The following GMDS variants were observed in gnomAD, a reference collection of about 807,000 sequenced individuals.
GMDS encodes GDP-mannose 4,6-dehydratase.
GMDS carries 20 observed loss-of-function variants against 49.9 expected under a neutral mutation model. The ratio of observed to expected loss-of-function variants is 0.40; its 90% confidence interval spans 0.28 to 0.58. The LOEUF is 0.58. Ranked by LOEUF, GMDS falls within the 20% of genes least tolerant of loss-of-function variation. GMDS has a pLI of 0.42. For missense variants in GMDS, 362 were observed against 481.4 expected (o/e 0.75, Z 2.32); for synonymous variants, 177 against 178.6 (o/e 0.99, Z 0.07).
chr6:2,031,490 G>GAA (rs201184130), intron 4 of GMDS, among the ~76,000 whole-genome samples: 1 of 143,956 alleles, frequency 6.9e-6, no homozygotes, highest in African/African-American at 2.5e-5. Flanking sequence ...AGTGCTTAGA[G>GAA]AAAAAAAAAA....
At chr6:1,813,494 T>C (rs972887909) in intron 7 of GMDS, among the ~76,000 whole-genome samples, 2 of 152,184 alleles carry the variant, frequency 1.3e-5, no homozygotes, top group African/African-American at 4.8e-5. Context: ...GCTTCTTTTA[T>C]CATTTGAAAA....
At chr6:2,084,599 C>T (rs142121234) in intron 4 of GMDS, among the ~76,000 whole-genome samples, 2,283 of 152,184 alleles carry the variant, frequency 0.015, 91 homozygotes, top group Admixed American at 0.074. Flanking sequence ...CTCCGCCTCC[C>T]GGGTTCACAC....
chr6:1,660,097 C>A (rs1764020408), intron 9 of GMDS, among the ~76,000 whole-genome samples: 1 of 151,880 alleles, frequency 6.6e-6, no homozygotes, highest in Admixed American at 6.6e-5. Flanking sequence ...CTAAGTGGCA[C>A]CTTGAAGAAG....
At chr6:1,791,770 A>T (rs1769552313) in intron 7 of GMDS, among the ~76,000 whole-genome samples, 1 of 152,236 alleles carries the variant, frequency 6.6e-6, no homozygotes, top group African/African-American at 2.4e-5. Flanking sequence ...ATATATTTTT[A>T]AACTTTACTA....
intron 9 of GMDS, among the ~76,000 whole-genome samples, chr6:1,702,840 T>C (rs1765588794): frequency 6.6e-6 from 1 of 152,150 alleles, no homozygotes. Context: ...GGAAATCGCT[T>C]CTCTGTGAAA....
At chr6:1,863,024 C>A (rs1758267262) in intron 7 of GMDS, among the ~76,000 whole-genome samples, 2 of 152,164 alleles carry the variant, frequency 1.3e-5, no homozygotes, top group African/African-American at 4.8e-5. Context: ...CATTATTCTA[C>A]TTTTTAACAT....
intron 4 of GMDS, among the ~76,000 whole-genome samples, chr6:1,965,908 T>C (rs1764233907): frequency 3.3e-5 from 5 of 152,276 alleles, no homozygotes; most frequent in South Asian, 2.1e-4. Context: ...AGAAGTGTGA[T>C]TCTGAAACAC....
chr6:1,828,858 C>T (rs548385110), intron 7 of GMDS, among the ~76,000 whole-genome samples: 1 of 152,128 alleles, frequency 6.6e-6, no homozygotes, highest in Non-Finnish European at 1.5e-5. Context: ...GGGTGCCAAA[C>T]CCCTGCACTG....
intron 1 of GMDS, among the ~76,000 whole-genome samples, chr6:2,129,323 CA>C (rs1440252983): frequency 6.6e-6 from 1 of 152,142 alleles, no homozygotes; most frequent in Non-Finnish European, 1.5e-5. Context: ...TCCCGCAACA[CA>C]GGAAGACTAG....
intron 7 of GMDS, among the ~76,000 whole-genome samples, chr6:1,807,991 T>C (rs961399890): frequency 6.6e-6 from 1 of 152,204 alleles, no homozygotes; most frequent in Non-Finnish European, 1.5e-5. Context: ...TGGACATAAC[T>C]AGCAGAGGAC....
intron 4 of GMDS, among the ~76,000 whole-genome samples, chr6:2,105,701 A>C (rs916036602): frequency 2.0e-5 from 3 of 152,214 alleles, no homozygotes; most frequent in Non-Finnish European, 2.9e-5. Flanking sequence ...TTATATACTA[A>C]AAAAATAAAA....
intron 1 of GMDS, among the ~76,000 whole-genome samples, chr6:2,193,503 CTCCACATCT>C (rs1178744381): frequency 4.1e-4 from 63 of 152,356 alleles, no homozygotes; most frequent in Admixed American, 3.1e-3. Flanking sequence ...GCAGCAGGGT[CTCCACATCT>C]GAATACTGAG....
chr6:2,094,718 T>C (rs1773499346), intron 4 of GMDS, among the ~76,000 whole-genome samples: 1 of 152,140 alleles, frequency 6.6e-6, no homozygotes, highest in Non-Finnish European at 1.5e-5. Flanking sequence ...TTGGGTTCAA[T>C]ATAAGGAAGA....
rs560004202 is a variant in GMDS, at chr6:2,027,947, CTT to C, written c.346-66983_346-66982del. 3.2e-3 allele frequency among the ~76,000 whole-genome samples: 481 copies of C among 152,070 alleles called. 1 individual carries two copies. The highest frequency in any genetic ancestry group is 0.01 in the Middle Eastern group (3 of 294). ...TCCTGTTCTTCTACACTTTTGGACT[CTT>C]AAAAAAATTCTAGTGTCTATAGTTC... is the stretch of plus-strand genomic sequence containing the variant. On this transcript the variant is annotated intron_variant, in intron 4 of 10. Transcript: ENST00000380815.
rs749013422 is a variant in GMDS at position 1,959,924 on chromosome 6, C to T, written c.586G>A (p.Ala196Thr). ...AYWIVVNFRE[A>T]YNLFAVNGIL... ...CCGTTCACTGCAAAGAGATTATACG[C>T]CTCACGGAAGTTCACCACAATCCAA... is the stretch of plus-strand genomic sequence containing the variant. Residue 196 changes from alanine to threonine, a missense_variant, in exon 6 of 11, where the codon GCG (alanine) becomes ACG (threonine). Ala to Thr is a moderately conservative substitution (Grantham distance 58, BLOSUM62 0). Coordinates refer to ENST00000380815, the MANE Select transcript of GMDS (RefSeq NM_001500.4). The T allele has an allele frequency of 6.2e-7, 1 of 1,611,772 alleles. No individual in the cohort carries two copies. The highest frequency in any genetic ancestry group is 2.2e-5 in the East Asian group (1 of 44,784).
chr6:1,817,246 G>A lies in GMDS; in HGVS notation c.772-74660C>T, dbSNP rs566658560. On this transcript the variant is annotated intron_variant, in intron 7 of 10. Transcript: ENST00000380815. ...CTTGGCAAGGTTGAAAAACAGACTCGTCATAAGTGTGTAATGTCTTGAACC... is the reference window on the plus strand; with the variant it reads ...CTTGGCAAGGTTGAAAAACAGACTCATCATAAGTGTGTAATGTCTTGAACC... Among the ~76,000 whole-genome samples, 226 of 151,880 alleles carry A rather than the reference G, an allele frequency of 1.5e-3. 1 individual carries two copies. The highest frequency in any genetic ancestry group is 0.01 in the South Asian group (48 of 4,794).
intron 7 of GMDS, among the ~76,000 whole-genome samples, chr6:1,839,740 C>T (rs1171103075): frequency 6.6e-6 from 1 of 152,124 alleles, no homozygotes; most frequent in African/African-American, 2.4e-5. Flanking sequence ...AAGCTGAAAG[C>T]ACTTGTTACT....
intron 1 of GMDS, among the ~76,000 whole-genome samples, chr6:2,204,962 T>G (rs1779729254): frequency 6.6e-6 from 1 of 152,220 alleles, no homozygotes; most frequent in South Asian, 2.1e-4. Flanking sequence ...CAAAAGTCAA[T>G]CTATACTATG....
intron 7 of GMDS, among the ~76,000 whole-genome samples, chr6:1,774,918 C>T (rs996463422): frequency 3.3e-5 from 5 of 152,110 alleles, no homozygotes; most frequent in African/African-American, 1.2e-4. Context: ...GGCTGACTAG[C>T]GAGGAATGTC....
Sources: gnomAD v4.1 joint callset for allele counts (sites outside exome capture counted in the v4.1 genomes callset) on GRCh38, gnomAD v4.1.1 for gene constraint, MANE v1.5 for transcripts, NCBI Gene and HGNC (gene_info 2026-07-23, HGNC 2026-07-21) for gene names.